Variants in NEDD9 observed in about 807,000 individuals in gnomAD.
NEDD9 encodes the protein enhancer of filamentation 1.
Under a neutral mutation model 76.6 loss-of-function variants are expected in NEDD9, and 26 were observed. The ratio of observed to expected loss-of-function variants is 0.34; its 90% CI spans 0.25 to 0.47. The LOEUF is 0.47. Ranked by LOEUF, NEDD9 falls within the 20% of genes least tolerant of loss-of-function variation. The probability of loss-of-function intolerance (pLI) is 1.00; values close to 1 mark genes in which losing one functional copy is unlikely to be tolerated. For synonymous variants in NEDD9, 392 were observed against 414.2 expected, an observed-to-expected ratio of 0.95 and a Z score of 0.65; for missense variants, 937 against 1,058.5, an observed-to-expected ratio of 0.89 and a Z score of 1.59.
intron 2 of NEDD9, among the ~76,000 whole-genome samples, chr6:11,195,276 A>T (rs1346703715): frequency 6.6e-6 from 1 of 152,186 alleles, no homozygotes; most frequent in East Asian, 1.9e-4. Flanking sequence ...AATTTCCATC[A>T]AGTCTCTCCA....
rs199951028 is a variant in NEDD9 at position 11,185,465 on chromosome 6, G to A, written c.2202C>T (p.Ser734=). Residue 734 remains serine (S), a synonymous_variant, in exon 7 of 7, where the codon AGC becomes AGT. Coordinates refer to ENST00000379446, the MANE Select transcript of NEDD9 (RefSeq NM_006403.4). ...NAIDALFSCV[S]SAQPPRIFVA... is the part of the protein sequence containing the mutation. ...CGAAGATTCGCGGGGGCTGGGCTGAGCTGACACAACTGAAGAGTGCGTCAA... is the reference window on the plus strand; with the variant it reads ...CGAAGATTCGCGGGGGCTGGGCTGAACTGACACAACTGAAGAGTGCGTCAA... 1.9e-6 allele frequency: 3 copies of A among 1,614,252 alleles called. No individual in the cohort carries two copies. The highest frequency in any genetic ancestry group is 1.6e-4 in the Middle Eastern group (1 of 6,062).
chr6:11,343,117 T>C (rs1365798143), intron 1 of NEDD9, among the ~76,000 whole-genome samples: 2 of 143,124 alleles, frequency 1.4e-5, no homozygotes, highest in Non-Finnish European at 3.1e-5. Context: ...TAACATTGGC[T>C]GAAAAAAAAA....
intron 3 of NEDD9, among the ~76,000 whole-genome samples, chr6:11,293,886 G>C (rs904294217): frequency 5.3e-5 from 8 of 152,094 alleles, no homozygotes; most frequent in African/African-American, 1.7e-4. Context: ...AGATCATGTA[G>C]TATTTGTCTT....
intron 1 of NEDD9, among the ~76,000 whole-genome samples, chr6:11,378,872 C>T (rs1763012246): frequency 6.6e-6 from 1 of 152,226 alleles, no homozygotes. Flanking sequence ...GTCCCCTCAG[C>T]TCACATTGCT....
chr6:11,358,312 A>G (rs1762618698), intron 1 of NEDD9, among the ~76,000 whole-genome samples: 1 of 149,432 alleles, frequency 6.7e-6, no homozygotes, highest in South Asian at 2.2e-4. Flanking sequence ...GCAGCACTGT[A>G]GGAATAACAC....
rs193075651 is a variant in NEDD9 at position 11,374,678 on chromosome 6, C to T, written c.-214+7461G>A. ...TCAATAGGAAGCTTATAGATGAGCA[C>T]TATATGAAATTTGGTTCTCTTCAGG... On this transcript the variant is annotated intron_variant, in intron 1 of 3. Coordinates refer to the NEDD9 transcript ENST00000397378. Among the ~76,000 whole-genome samples the T allele has an allele frequency of 5.0e-3, 756 of 152,276 alleles. 22 individuals are homozygous for T. The highest frequency in any genetic ancestry group is 0.047 in the Admixed American group (715 of 15,290).
At chr6:11,324,055 A>G (rs1761870848) in intron 2 of NEDD9, among the ~76,000 whole-genome samples, 2 of 152,078 alleles carry the variant, frequency 1.3e-5, no homozygotes, top group South Asian at 4.1e-4. Flanking sequence ...CATGAAACGA[A>G]CCTCACAGCC....
Position 11,184,179 on chromosome 6 carries a change from G to A in NEDD9, c.*983C>T, listed in dbSNP as rs913656246. 6.6e-6 allele frequency: 1 copy of A among 152,162 alleles called. No individual in the cohort carries two copies. Among genetic ancestry groups the A allele is most frequent in the Non-Finnish European group, 1.5e-5 (1 of 68,028 alleles). 9.4% of individuals were successfully genotyped at this position (152,162 alleles called of 1,614,324 possible). ...TCTATAGTTCCATGATCAAGGACCTGGCCAGTTTCCCTCAGGTAATGGGGG... is the reference window on the plus strand; with the variant it reads ...TCTATAGTTCCATGATCAAGGACCTAGCCAGTTTCCCTCAGGTAATGGGGG... On this transcript the variant is annotated 3_prime_UTR_variant, in exon 7 of 7. Transcript: ENST00000379446.
chr6:11,374,044 ATCTCTCTC>A (rs748028297), intron 1 of NEDD9, among the ~76,000 whole-genome samples: 1 of 150,796 alleles, frequency 6.6e-6, no homozygotes, highest in South Asian at 2.1e-4. Context: ...CATAAAATAA[ATCTCTCTC>A]TCTCTCTCTC....
At position 11,190,561 on chromosome 6, in the gene NEDD9, C is replaced by A. The variant is rs779860105; in HGVS notation, c.1308G>T (p.Arg436=). Residue 436 remains arginine (R), a synonymous_variant, in exon 5 of 7, where the codon CGG becomes CGT. Transcript: ENST00000379446. The surrounding 1 kb of genome is among the most constrained non-coding windows in gnomAD (Gnocchi z 5.8). ...TGTGTCTTTCCATATATCCGTAACACCGCCAGTCGGTAGTGACCAGTGCCA... is the reference window on the plus strand; with the variant it reads ...TGTGTCTTTCCATATATCCGTAACAACGCCAGTCGGTAGTGACCAGTGCCA... ...SLMALVTTDW[R]CYGYMERHIN... 6.2e-7 allele frequency: 1 copy of A among 1,614,248 alleles called. No homozygotes were observed. The highest frequency in any genetic ancestry group is 8.5e-7 in the Non-Finnish European group (1 of 1,180,052).
At chr6:11,358,678 G>A (rs896238553) in intron 1 of NEDD9, among the ~76,000 whole-genome samples, 2 of 152,058 alleles carry the variant, frequency 1.3e-5, no homozygotes, top group Non-Finnish European at 1.5e-5. Context: ...AATGACCTGC[G>A]TGCCACTCTT....
chr6:11,234,894 T>C (rs1759567417), upstream of NEDD9, among the ~76,000 whole-genome samples: 1 of 152,084 alleles, frequency 6.6e-6, no homozygotes, highest in Admixed American at 6.6e-5. Context: ...GTATTTTTAG[T>C]AGAGACGGGG....
rs1757929510 is a variant in NEDD9, at chr6:11,184,550, A to G, written c.*612T>C. The G allele has an allele frequency of 6.5e-6, 1 of 152,680 alleles. No individual in the cohort carries two copies. The highest frequency in any genetic ancestry group is 2.1e-4 in the South Asian group (1 of 4,858). The allele number at this position is 152,680 out of a possible 1,614,324, so 9.5% of individuals were successfully genotyped here. A position where few individuals can be genotyped will look rare whatever the true frequency, so the allele number is the denominator to read the frequency against. ...ACTATCAGAGCTTGGATCCACATAT[A>G]TATTCTGAAATTTGCTCCGCAAGAG... On this transcript the variant is annotated 3_prime_UTR_variant, in exon 7 of 7. Transcript: ENST00000379446.
upstream of NEDD9, chr6:11,233,150 T>C (rs1759530985): frequency 1.9e-5 from 9 of 485,400 alleles, no homozygotes; most frequent in South Asian, 1.3e-4. Flanking sequence ...TACCTCTCTC[T>C]CTCTCTGTCC....
intron 6 of NEDD9, among the ~76,000 whole-genome samples, chr6:11,186,763 G>A (rs550864160): frequency 2.6e-5 from 4 of 152,240 alleles, no homozygotes; most frequent in Non-Finnish European, 4.4e-5. Flanking sequence ...GACTACAGGC[G>A]CCCGCCACCA....
intron 3 of NEDD9, among the ~76,000 whole-genome samples, chr6:11,303,242 A>G (rs1761099192): frequency 6.6e-6 from 1 of 152,208 alleles, no homozygotes; most frequent in Non-Finnish European, 1.5e-5. Flanking sequence ...AGAGAGCCAA[A>G]TCATTAGTGA....
chr6:11,343,063 C>T (rs1230592071), intron 1 of NEDD9, among the ~76,000 whole-genome samples: 1 of 151,946 alleles, frequency 6.6e-6, no homozygotes, highest in East Asian at 1.9e-4. Context: ...CTCATCTGTA[C>T]ACTTAAAATG....
At position 11,237,923 on chromosome 6, in the gene NEDD9, C is replaced by T. The variant is rs1352861983; in HGVS notation, c.13-24196G>A. Among the ~76,000 whole-genome samples, 1 of 152,180 alleles carries T rather than the reference C, an allele frequency of 6.6e-6. No homozygotes were observed. The highest frequency in any genetic ancestry group is 1.5e-5 in the Non-Finnish European group (1 of 68,024). On this transcript the variant is annotated intron_variant, in intron 3 of 3. Transcript: ENST00000397378. The surrounding 1 kb of genome is among the most constrained non-coding windows in gnomAD (Gnocchi z 4.9). ...AGCCCAGTCCTAAAAAGGAACCATT[C>T]TAGGGCCATGTTTTATCATTTCTAG...
chr6:11,295,122 C>T (rs1390543965), intron 3 of NEDD9, among the ~76,000 whole-genome samples: 1 of 151,934 alleles, frequency 6.6e-6, no homozygotes, highest in African/African-American at 2.4e-5. Context: ...TATAAATTAC[C>T]CAGTCTTGGG....
Sources: gnomAD v4.1 joint callset for allele counts (sites outside exome capture counted in the v4.1 genomes callset) on GRCh38, gnomAD v4.1.1 for gene constraint, Gnocchi (gnomAD v3.1) non-coding constraint, MANE v1.5 for transcripts, NCBI Gene and HGNC (gene_info 2026-07-23, HGNC 2026-07-21) for gene names.